The following TTC17 variants were observed in gnomAD, a reference collection of about 807,000 sequenced individuals.
The protein encoded by TTC17 is tetratricopeptide repeat protein 17.
TTC17 carries 58 observed loss-of-function variants against 143.8 expected under a neutral mutation model. The observed-to-expected ratio is 0.40, with a 90% CI of 0.33 to 0.50. The LOEUF (loss-of-function observed/expected upper bound fraction) is 0.50. Among genes scored for constraint, TTC17 ranks in the 20% least tolerant of loss-of-function variants. The pLI, the probability that TTC17 is intolerant of heterozygous loss-of-function variation, is 0.49. For synonymous variants in TTC17, 501 were observed against 497.8 expected (o/e 1.01, Z -0.09); for missense variants, 1,273 against 1,392.5 (o/e 0.91, Z 1.37).
rs376535769 is a variant in TTC17 at position 43,414,545 on chromosome 11, A to G, written c.2065-45A>G. 42 of 1,567,002 alleles carry G rather than the reference A, an allele frequency of 2.7e-5. No homozygotes were observed. The African/African-American group carries it at 4.1e-4, about 15-fold the overall frequency. On this transcript the variant is annotated intron_variant, in intron 15 of 23. Transcript: ENST00000039989. ...CTGTAAACGTTTTGTAACTCCCAGA[A>G]AATATTAGTTCATTAACATTTTGCC...
intron 21 of TTC17, among the ~76,000 whole-genome samples, chr11:43,461,410 A>AAC (rs1381166250): frequency 1.3e-5 from 2 of 150,838 alleles, no homozygotes; most frequent in Non-Finnish European, 3.0e-5. Context: ...AAAAAAAAAA[A>AAC]AAAAAACTAG....
intron 2 of TTC17, among the ~76,000 whole-genome samples, chr11:43,382,699 CT>C: frequency 6.6e-6 from 1 of 152,210 alleles, no homozygotes; most frequent in Non-Finnish European, 1.5e-5. Context: ...GATTTATAGG[CT>C]TCATCAGACT....
chr11:43,436,877 A>G (rs1395453773), intron 16 of TTC17, among the ~76,000 whole-genome samples: 1 of 152,174 alleles, frequency 6.6e-6, no homozygotes, highest in Non-Finnish European at 1.5e-5. Context: ...CTTCTGGAAT[A>G]TCACTTGCTC....
At position 43,391,920 on chromosome 11, in the gene TTC17, A is replaced by G; in HGVS notation, c.631A>G (p.Ile211Val). 1 of 1,612,254 alleles carries G rather than the reference A, an allele frequency of 6.2e-7. No individual in the cohort carries two copies. The highest frequency in any genetic ancestry group is 8.5e-7 in the Non-Finnish European group (1 of 1,179,460). ...ACGGTTAGGAAGGAGTATAGATGAC[A>G]TAGGTCACCTCATTCATGAAGGCCT... ...SKRLGRSIDD[I>V]GHLIHEGLQK... Residue 211 changes from isoleucine to valine, a missense_variant, in exon 5 of 24, where the codon ATA becomes GTA. This residue lies in a region of TTC17 where 325 missense variants were observed against 444.2 expected (regional missense o/e 0.73). Transcript: ENST00000039989.
Position 43,413,604 on chromosome 11 carries a change from CAGAG to C in TTC17, c.2065-983_2065-980del, listed in dbSNP as rs373293587. ...ACAAAAGACTAATATATAATATAGA[CAGAG>C]AGCTCCTTCAAGGCCTTAAGGGCAA... On this transcript the variant is annotated intron_variant, in intron 15 of 23. Coordinates refer to ENST00000039989, the MANE Select transcript of TTC17 (RefSeq NM_018259.6). Among the ~76,000 whole-genome samples the C allele has an allele frequency of 2.8e-4, 43 of 151,598 alleles. No individual in the cohort carries two copies. The Middle Eastern group carries it at 0.01, about 36-fold the overall frequency.
intron 20 of TTC17, among the ~76,000 whole-genome samples, chr11:43,450,968 C>T (rs1050860478): frequency 1.3e-5 from 2 of 152,090 alleles, no homozygotes; most frequent in African/African-American, 4.8e-5. Context: ...ATGTGTTTTA[C>T]ATTCTGTAAT....
At chr11:43,473,612 C>T (rs1399700861) in intron 21 of TTC17, among the ~76,000 whole-genome samples, 5 of 152,104 alleles carry the variant, frequency 3.3e-5, no homozygotes, top group South Asian at 2.1e-4. Context: ...CAGTAGCTCA[C>T]GCCTGTAATC....
intron 21 of TTC17, among the ~76,000 whole-genome samples, chr11:43,469,588 T>C (rs1948050410): frequency 6.6e-6 from 1 of 152,150 alleles, no homozygotes; most frequent in Admixed American, 6.5e-5. Context: ...CAAAAGAAGT[T>C]GGTAACAAAA....
At chr11:43,452,400 T>C (rs1191703792) in intron 21 of TTC17, among the ~76,000 whole-genome samples, 1 of 151,694 alleles carries the variant, frequency 6.6e-6, no homozygotes, top group Non-Finnish European at 1.5e-5. Context: ...CTTGAGAGAG[T>C]GAGGCAGGAG....
intron 10 of TTC17, among the ~76,000 whole-genome samples, chr11:43,402,424 A>G (rs982161632): frequency 6.6e-6 from 1 of 152,164 alleles, no homozygotes; most frequent in Non-Finnish European, 1.5e-5. Context: ...CTGTCGCTGT[A>G]TATACACACG....
At chr11:43,472,327 A>AGTGAG (rs1382124351) in intron 21 of TTC17, among the ~76,000 whole-genome samples, 3 of 152,202 alleles carry the variant, frequency 2.0e-5, no homozygotes, top group Non-Finnish European at 4.4e-5. Context: ...TGGGTGACAA[A>AGTGAG]GTGAGACCCT....
chr11:43,478,667 A>G (rs1564982169), intron 21 of TTC17, among the ~76,000 whole-genome samples: 2 of 152,092 alleles, frequency 1.3e-5, no homozygotes, highest in Admixed American at 1.3e-4. Context: ...GAGTGCAGTG[A>G]CACAGTCTTA....
rs199603533 is a variant in TTC17, at chr11:43,488,386, A to G, written c.3031-1853A>G. On this transcript the variant is annotated intron_variant, in intron 21 of 23. Coordinates refer to ENST00000039989, the MANE Select transcript of TTC17 (RefSeq NM_018259.6). ...GCTGGGAGTCAGAGATCATCAACCA[A>G]AAGTTGCAAATGAAATAGATTTTAA... Among the ~76,000 whole-genome samples the G allele has an allele frequency of 6.6e-5, 10 of 152,190 alleles. No homozygotes were observed. In the East Asian group the frequency reaches 1.9e-3, roughly 29 times the overall value.
At chr11:43,436,685 C>G (rs556447404) in intron 16 of TTC17, among the ~76,000 whole-genome samples, 1 of 152,296 alleles carries the variant, frequency 6.6e-6, no homozygotes, top group African/African-American at 2.4e-5. Context: ...ACGCCCTCTC[C>G]TAAGATTCCA....
intron 16 of TTC17, among the ~76,000 whole-genome samples, chr11:43,434,133 C>T (rs903529291): frequency 2.0e-5 from 3 of 150,524 alleles, no homozygotes; most frequent in Admixed American, 6.6e-5. Flanking sequence ...TACCATTGCT[C>T]ATGGCTTCTT....
chr11:43,415,375 C>G (rs899184798), intron 16 of TTC17, among the ~76,000 whole-genome samples: 1 of 152,266 alleles, frequency 6.6e-6, no homozygotes, highest in Non-Finnish European at 1.5e-5. Flanking sequence ...TTAGAACCTT[C>G]TTTCTAAGAA....
chr11:43,490,167 C>A, intron 21 of TTC17, 72 bp from the exon 22 acceptor site: 1 of 1,541,758 alleles, frequency 6.5e-7, no homozygotes, highest in Non-Finnish European at 8.8e-7. Flanking sequence ...ACTTGTGTTA[C>A]TGAACTTAAT....
rs750240102 is a variant in TTC17 at position 43,461,390 on chromosome 11, C to CAAA, written c.3030+10149_3030+10151dup. On this transcript the variant is annotated intron_variant, in intron 21 of 23. Coordinates refer to ENST00000039989, the MANE Select transcript of TTC17 (RefSeq NM_018259.6). ...TGGGCGACAGAGCGAAACTCCGTCTCAAAAAAAAAAAAAAAAAAAAAAAAA... is the reference window on the plus strand; with the variant it reads ...TGGGCGACAGAGCGAAACTCCGTCTCAAAAAAAAAAAAAAAAAAAAAAAAAAAA... Among the ~76,000 whole-genome samples the CAAA allele has an allele frequency of 9.2e-3, 333 of 36,038 alleles. 36 individuals are homozygous for CAAA. Among genetic ancestry groups the CAAA allele is most frequent in the Middle Eastern group, 0.014 (1 of 72 alleles). The allele number at this position is 36,038 out of a possible 152,430, so 23.6% of individuals were successfully genotyped here. A position where few individuals can be genotyped will look rare whatever the true frequency, so the allele number is the denominator to read the frequency against.
chr11:43,411,636 C>A (rs547816377), intron 15 of TTC17, among the ~76,000 whole-genome samples: 1 of 152,222 alleles, frequency 6.6e-6, no homozygotes, highest in South Asian at 2.1e-4. Context: ...GGATGAAGTT[C>A]AACTTTTTTT....
Sources: gnomAD v4.1 joint callset for allele counts (sites outside exome capture counted in the v4.1 genomes callset) on GRCh38, gnomAD v4.1.1 for gene constraint, gnomAD v4.1.1 regional missense constraint, MANE v1.5 for transcripts, NCBI Gene and HGNC (gene_info 2026-07-23, HGNC 2026-07-21) for gene names.